PALM2AKAP2: variants seen among roughly 807,000 people sequenced by gnomAD.
PALM2AKAP2 encodes PALM2-AKAP2 fusion protein.
A neutral mutation model predicts 71.5 loss-of-function variants in PALM2AKAP2; 37 were observed. That is an observed-to-expected ratio of 0.52 (90% confidence interval 0.40 to 0.68). The LOEUF (loss-of-function observed/expected upper bound fraction) is 0.68. Ranked by LOEUF, PALM2AKAP2 falls within the 30% of genes least tolerant of loss-of-function variation. The pLI is 0.00. For synonymous variants in PALM2AKAP2, 468 were observed against 478.8 expected, an observed-to-expected ratio of 0.98 and a Z score of 0.29; for missense variants, 1,224 against 1,191.8, an observed-to-expected ratio of 1.03 and a Z score of -0.40.
At chr9:109,854,095 C>G (rs13301111) in intron 1 of PALM2AKAP2, among the ~76,000 whole-genome samples, 1 of 152,198 alleles carries the variant, frequency 6.6e-6, no homozygotes, top group Non-Finnish European at 1.5e-5. Flanking sequence ...TAAAGTACGT[C>G]TTTACTAGAA....
intron 3 of PALM2AKAP2, among the ~76,000 whole-genome samples, chr9:109,893,419 T>C (rs1830130362): frequency 6.6e-6 from 1 of 151,770 alleles, no homozygotes; most frequent in Non-Finnish European, 1.5e-5. Flanking sequence ...CGTGAGAGGC[T>C]AGAGTTATCT....
intron 6 of PALM2AKAP2, among the ~76,000 whole-genome samples, chr9:109,948,551 T>G (rs1187594414): frequency 6.6e-6 from 1 of 152,222 alleles, no homozygotes; most frequent in African/African-American, 2.4e-5. Context: ...TTTTCTGAAA[T>G]TAATGACTTT....
At chr9:109,686,714 A>G (rs957247959) in intron 1 of PALM2AKAP2, among the ~76,000 whole-genome samples, 3 of 151,990 alleles carry the variant, frequency 2.0e-5, no homozygotes, top group Admixed American at 6.6e-5. Flanking sequence ...TTTAGGGTAC[A>G]TGTACACAAC....
chr9:109,864,604 C>T (rs111656782), intron 1 of PALM2AKAP2, among the ~76,000 whole-genome samples: 3,311 of 152,282 alleles, frequency 0.022, 51 homozygotes, highest in Non-Finnish European at 0.032. Context: ...ATCTGGCCCA[C>T]TACCTGTGTT....
chr9:110,012,163 G>A (rs373216383), intron 6 of PALM2AKAP2, among the ~76,000 whole-genome samples: 1 of 151,908 alleles, frequency 6.6e-6, no homozygotes, highest in Admixed American at 6.6e-5. Context: ...CATGGTGGCG[G>A]GTGCCTGTAA....
chr9:110,132,349 C>T (rs930861198), intron 1 of PALM2AKAP2, among the ~76,000 whole-genome samples: 14 of 151,642 alleles, frequency 9.2e-5, no homozygotes, highest in African/African-American at 2.2e-4. Flanking sequence ...GGTGAGCCAC[C>T]GTGCGGGCTT....
chr9:109,788,646 G>A (rs144664618), intron 1 of PALM2AKAP2, among the ~76,000 whole-genome samples: 118 of 152,314 alleles, frequency 7.7e-4, no homozygotes, highest in African/African-American at 2.8e-3. Context: ...TATGACCTGG[G>A]TCCTGATGTG....
rs187822121 is a variant in PALM2AKAP2, at chr9:109,880,326, A to G, written c.127-225A>G. Among the ~76,000 whole-genome samples, 329 of 152,354 alleles carry G rather than the reference A, an allele frequency of 2.2e-3. 2 individuals carry two copies. The highest frequency in any genetic ancestry group is 7.6e-3 in the African/African-American group (316 of 41,582). On this transcript the variant is annotated intron_variant, in intron 2 of 9. Coordinates refer to the PALM2AKAP2 transcript ENST00000302798. ...ATGAGGTTACATGGTCATTCATTAT[A>G]CAGTTCTATTTTTAAATTTTTTTAA...
At chr9:110,011,235 T>TTATA (rs375008585) in intron 6 of PALM2AKAP2, among the ~76,000 whole-genome samples, 1 of 147,604 alleles carries the variant, frequency 6.8e-6, no homozygotes, top group Non-Finnish European at 1.5e-5. Context: ...TATATTTCTA[T>TTATA]TATATATATA....
chr9:109,918,981 T>G (rs1830758372), intron 3 of PALM2AKAP2, among the ~76,000 whole-genome samples: 1 of 152,162 alleles, frequency 6.6e-6, no homozygotes, highest in Non-Finnish European at 1.5e-5. Context: ...CGCAGAGCCT[T>G]GAAACCCATA....
intron 3 of PALM2AKAP2, among the ~76,000 whole-genome samples, chr9:109,913,921 T>C (rs1293679940): frequency 1.3e-5 from 2 of 152,068 alleles, no homozygotes; most frequent in Non-Finnish European, 1.5e-5. Flanking sequence ...TACGCCCAGC[T>C]AATTTTTTGT....
chr9:109,994,263 G>A (rs1455200608), intron 6 of PALM2AKAP2, among the ~76,000 whole-genome samples: 1 of 152,186 alleles, frequency 6.6e-6, no homozygotes, highest in East Asian at 1.9e-4. Context: ...GCACATGACG[G>A]CAGAGGAAGA....
chr9:109,894,364 G>T (rs932511937), intron 3 of PALM2AKAP2, among the ~76,000 whole-genome samples: 1 of 152,086 alleles, frequency 6.6e-6, no homozygotes, highest in Non-Finnish European at 1.5e-5. Flanking sequence ...AAACAAAAAT[G>T]CATCTAAGTT....
At chr9:109,903,003 T>C (rs182755989) in intron 3 of PALM2AKAP2, among the ~76,000 whole-genome samples, 3 of 152,192 alleles carry the variant, frequency 2.0e-5, no homozygotes, top group Admixed American at 2.0e-4. Context: ...GGCCCCAGTC[T>C]CTGGAGCCTC....
At chr9:109,772,254 G>C (rs1829276753) in intron 1 of PALM2AKAP2, among the ~76,000 whole-genome samples, 1 of 152,166 alleles carries the variant, frequency 6.6e-6, no homozygotes, top group Non-Finnish European at 1.5e-5. Flanking sequence ...CCTCTGGAGT[G>C]GCTACCTTCC....
intron 1 of PALM2AKAP2, among the ~76,000 whole-genome samples, chr9:110,058,229 G>T (rs1412162589): frequency 6.6e-6 from 1 of 152,164 alleles, no homozygotes; most frequent in African/African-American, 2.4e-5. Context: ...ATTGCAGTGT[G>T]CTATGCAAAT....
intron 1 of PALM2AKAP2, among the ~76,000 whole-genome samples, chr9:109,751,634 T>A (rs1163471164): frequency 6.6e-6 from 1 of 152,172 alleles, no homozygotes; most frequent in Non-Finnish European, 1.5e-5. Flanking sequence ...TTGCAGCAGT[T>A]TGAGTAACAG....
intron 3 of PALM2AKAP2, among the ~76,000 whole-genome samples, chr9:109,900,486 A>C (rs1000973684): frequency 1.3e-5 from 2 of 152,196 alleles, no homozygotes; most frequent in African/African-American, 4.8e-5. Flanking sequence ...TGTCCTCAAG[A>C]TAGTAGAAAT....
intron 3 of PALM2AKAP2, among the ~76,000 whole-genome samples, chr9:109,901,871 C>G (rs1004076718): frequency 3.9e-5 from 6 of 152,194 alleles, no homozygotes; most frequent in African/African-American, 1.4e-4. Flanking sequence ...TCAAAAATCC[C>G]AAGATCATCG....
Sources: allele counts gnomAD v4.1 joint callset (sites outside exome capture counted in the v4.1 genomes callset), GRCh38; gene constraint gnomAD v4.1.1; transcripts MANE v1.5; gene names NCBI Gene and HGNC (gene_info 2026-07-23, HGNC 2026-07-21).